KCNN2: variants seen among roughly 807,000 people sequenced by gnomAD.
The protein encoded by KCNN2 is small conductance calcium-activated potassium channel protein 2.
KCNN2 carries 24 observed loss-of-function variants against 55.5 expected under a neutral mutation model. The ratio of observed to expected loss-of-function variants is 0.43; its 90% CI spans 0.31 to 0.61. The LOEUF (loss-of-function observed/expected upper bound fraction) is 0.61. KCNN2 is among the 20% of genes least tolerant of loss of function. KCNN2 has a pLI of 0.08. For synonymous variants in KCNN2, 431 were observed against 336.1 expected, an observed-to-expected ratio of 1.28 and a Z score of -3.09; for missense variants, 754 against 853.6, an observed-to-expected ratio of 0.88 and a Z score of 1.45.
At chr5:114,064,475 C>G (rs936400512) in intron 1 of KCNN2, among the ~76,000 whole-genome samples, 8 of 152,146 alleles carry the variant, frequency 5.3e-5, no homozygotes, top group African/African-American at 1.9e-4. Context: ...GTGGGGAGAG[C>G]CACCATGTGA....
chr5:114,288,602 G>A (rs1163893031), intron 2 of KCNN2, among the ~76,000 whole-genome samples: 3 of 151,468 alleles, frequency 2.0e-5, no homozygotes, highest in Non-Finnish European at 2.9e-5. Flanking sequence ...GTTTTGATTT[G>A]CATTTCTCTA....
upstream of KCNN2, among the ~76,000 whole-genome samples, chr5:114,359,858 G>A (rs534519002): frequency 1.6e-4 from 24 of 152,274 alleles, no homozygotes; most frequent in African/African-American, 5.3e-4. Context: ...TTCAGACCAG[G>A]TTAGTAACTT....
rs376040548 is a variant in KCNN2 at position 114,470,487 on chromosome 5, TG to T, written c.1780-2565del. 9.5e-3 allele frequency among the ~76,000 whole-genome samples: 1,443 copies of T among 152,252 alleles called. 25 individuals are homozygous for T. The highest frequency in any genetic ancestry group is 0.032 in the African/African-American group (1,319 of 41,544). On this transcript the variant is annotated intron_variant, in intron 4 of 7. Coordinates refer to ENST00000673685, the MANE Select transcript of KCNN2 (RefSeq NM_021614.4). ...TACCATACAGCAGGTAGCTTTATGG[TG>T]GTTATCATAGGTGGTCACTGATTTG...
intron 2 of KCNN2, among the ~76,000 whole-genome samples, chr5:114,365,452 A>G (rs532509833): frequency 1.4e-4 from 22 of 152,340 alleles, no homozygotes; most frequent in African/African-American, 5.1e-4. Flanking sequence ...TTATCTTTTC[A>G]TTTTGACTTG....
Position 114,093,921 on chromosome 5 carries a change from C to T in KCNN2, c.-271+37421C>T, listed in dbSNP as rs541172986. Among the ~76,000 whole-genome samples, 3 of 152,234 alleles carry T rather than the reference C, an allele frequency of 2.0e-5. No individual in the cohort carries two copies. The East Asian group carries it at 5.8e-4, about 29-fold the overall frequency. ...AAGAATTTTCCCTGTTACAGATATT[C>T]TCACCTCAGTTTATAGGTGAAAAAC... On this transcript the variant is annotated intron_variant, in intron 1 of 10. Transcript: ENST00000512097.
chr5:114,278,901 A>G (rs773043462), intron 2 of KCNN2, among the ~76,000 whole-genome samples: 8 of 152,118 alleles, frequency 5.3e-5, no homozygotes, highest in Non-Finnish European at 1.2e-4. Flanking sequence ...ACTCAATGAG[A>G]TGAACCAGGT....
intron 2 of KCNN2, among the ~76,000 whole-genome samples, chr5:114,384,715 C>A (rs1053850010): frequency 1.3e-4 from 20 of 152,046 alleles, no homozygotes; most frequent in African/African-American, 4.3e-4. Flanking sequence ...GATGCCAGCC[C>A]CTATTAATTG....
intron 2 of KCNN2, among the ~76,000 whole-genome samples, chr5:114,271,639 C>A (rs1489558584): frequency 6.6e-6 from 1 of 152,136 alleles, no homozygotes; most frequent in African/African-American, 2.4e-5. Context: ...TTTATGCTTT[C>A]TTCTTTTCAT....
chr5:114,352,511 G>GTTACTTTTTTCTTAAAGTAATATC (rs1757227028), intron 2 of KCNN2, among the ~76,000 whole-genome samples: 1 of 151,446 alleles, frequency 6.6e-6, no homozygotes, highest in Admixed American at 6.6e-5. Flanking sequence ...AAAGTAATAT[G>GTTACTTTTTTCTTAAAGTAATATC]TTAGCTTATT....
chr5:114,067,208 C>T (rs942358727), intron 1 of KCNN2, among the ~76,000 whole-genome samples: 3 of 152,132 alleles, frequency 2.0e-5, no homozygotes, highest in East Asian at 3.9e-4. Context: ...CAATATTGTT[C>T]CTAGATGGCA....
At chr5:114,436,400 A>G (rs1241835226) in intron 3 of KCNN2, among the ~76,000 whole-genome samples, 2 of 152,198 alleles carry the variant, frequency 1.3e-5, no homozygotes, top group Non-Finnish European at 2.9e-5. Context: ...CCCTTATGGA[A>G]TCATTAAATG....
chr5:114,347,567 T>C (rs1172428316), intron 2 of KCNN2, among the ~76,000 whole-genome samples: 3 of 152,228 alleles, frequency 2.0e-5, no homozygotes, highest in Non-Finnish European at 4.4e-5. Context: ...TTCTGATCAA[T>C]CTTATTTCAG....
Position 114,362,684 on chromosome 5 carries a change from T to C in KCNN2, c.545T>C (p.Leu182Pro). ...SLGSLGSGPP[L>P]SHHHHHPHPA... ...GGCAGTCTGGGCTCCGGGCCCCCGC[T>C]CTCGCACCACCACCACCACCCGCAC... Residue 182 changes from leucine (L) to proline (P), a missense_variant, in exon 1 of 8, where the codon CTC becomes CCC. Leu to Pro is a moderately conservative substitution (Grantham distance 98). Transcript: ENST00000673685. 1 of 1,449,002 alleles carries C rather than the reference T, an allele frequency of 6.9e-7. No individual in the cohort carries two copies. Among genetic ancestry groups the C allele is most frequent in the Non-Finnish European group, 9.0e-7 (1 of 1,106,994 alleles). The allele number at this position is 1,449,002 out of a possible 1,614,324, so 89.8% of individuals were successfully genotyped here.
At chr5:114,307,899 C>T (rs1379968845) in intron 2 of KCNN2, among the ~76,000 whole-genome samples, 1 of 151,950 alleles carries the variant, frequency 6.6e-6, no homozygotes, top group Non-Finnish European at 1.5e-5. Context: ...CTTAATTCCT[C>T]CTTATACTTC....
At chr5:114,199,447 T>C (rs1753624700) in intron 1 of KCNN2, among the ~76,000 whole-genome samples, 1 of 152,150 alleles carries the variant, frequency 6.6e-6, no homozygotes, top group Non-Finnish European at 1.5e-5. Flanking sequence ...GAGGCTTTGT[T>C]CCTGTCATAT....
chr5:114,165,972 G>C (rs960722119), intron 1 of KCNN2, among the ~76,000 whole-genome samples: 1 of 151,976 alleles, frequency 6.6e-6, no homozygotes, highest in African/African-American at 2.4e-5. Context: ...GACTTTGCTA[G>C]TTGATAAGAA....
chr5:114,212,896 G>T (rs929807109), intron 1 of KCNN2, among the ~76,000 whole-genome samples: 3 of 151,982 alleles, frequency 2.0e-5, no homozygotes, highest in African/African-American at 7.2e-5. Context: ...TTATGTGAAT[G>T]TTTTTATAGT....
intron 1 of KCNN2, among the ~76,000 whole-genome samples, chr5:114,136,710 A>T (rs535891125): frequency 6.6e-6 from 1 of 152,296 alleles, no homozygotes; most frequent in South Asian, 2.1e-4. Flanking sequence ...CAATCACAAG[A>T]CTGTAGTTTC....
chr5:114,304,679 T>C (rs1756233116), intron 2 of KCNN2, among the ~76,000 whole-genome samples: 1 of 152,222 alleles, frequency 6.6e-6, no homozygotes, highest in South Asian at 2.1e-4. Context: ...TTAGCCCTAA[T>C]AGTAGAACTC....
Sources: allele counts gnomAD v4.1 joint callset (sites outside exome capture counted in the v4.1 genomes callset), GRCh38; gene constraint gnomAD v4.1.1; transcripts MANE v1.5; gene names NCBI Gene and HGNC (gene_info 2026-07-23, HGNC 2026-07-21).